The following PLCH2 variants were observed in gnomAD, a reference collection of about 807,000 sequenced individuals.
The protein encoded by PLCH2 is 1-phosphatidylinositol 4,5-bisphosphate phosphodiesterase eta-2.
Under a neutral mutation model 134.7 loss-of-function variants are expected in PLCH2, and 98 were observed. The observed-to-expected ratio is 0.73, with a 90% confidence interval of 0.62 to 0.86. PLCH2 has a LOEUF of 0.86. Among genes scored for constraint, PLCH2 ranks in the 40% least tolerant of loss-of-function variants. The pLI is 0.00. For missense variants in PLCH2, 1,994 were observed against 1,986.6 expected (o/e 1.00, Z -0.07); for synonymous variants, 974 against 827.5 (o/e 1.18, Z -3.04).
At chr1:2,481,833 T>C (rs1375358645) in intron 4 of PLCH2, among the ~76,000 whole-genome samples, 3 of 152,210 alleles carry the variant, frequency 2.0e-5, no homozygotes, top group African/African-American at 2.4e-5. Context: ...GCATCCTCTC[T>C]GGGCCCTGCA....
At chr1:2,442,056 GGGAGC>G (rs750128643) in intron 2 of PLCH2, among the ~76,000 whole-genome samples, 1 of 152,096 alleles carries the variant, frequency 6.6e-6, no homozygotes, top group Non-Finnish European at 1.5e-5. Context: ...AGAAAGCCTC[GGGAGC>G]GGAGCTGGCC....
rs570518399 is a variant in PLCH2, at chr1:2,455,927, C to T, written c.116-22549C>T. On this transcript the variant is annotated intron_variant, in intron 2 of 3. Transcript: ENST00000609981. ...GTGTGCGTGTGTGTGCCTGTGTGCT[C>T]GTGTGTTTAAGTGTATTTTTAAAGC... Among the ~76,000 whole-genome samples, 55 of 152,294 alleles carry T rather than the reference C, an allele frequency of 3.6e-4. No individual in the cohort carries two copies. The South Asian group carries it at 0.011, about 30-fold the overall frequency.
In PLCH2 at chr1:2,505,166, G is replaced by A. The variant is rs148616986; in HGVS notation, c.4204G>A (p.Gly1402Arg). 3.9e-4 allele frequency: 609 copies of A among 1,569,424 alleles called. 5 individuals are homozygous for A. In the East Asian group the frequency reaches 0.011, roughly 27 times the overall value. The change falls in exon 22 of 22, where the codon GGG (glycine) becomes AGG (arginine). Residue 1402 changes from glycine (G) to arginine (R), a missense_variant. By Grantham distance (125) the Gly-to-Arg change is moderately radical (BLOSUM62 -2). This residue lies in a region of PLCH2 where 900 missense variants were observed against 752.3 expected (regional missense o/e 1.20). Coordinates refer to ENST00000378486, the MANE Select transcript of PLCH2 (RefSeq NM_014638.4). The part of the protein sequence containing the change: ...DAPAPSKGAL[G>R]PASAAAENLV... ...ACCAGCACCCTCCAAGGGAGCCCTC[G>A]GGCCAGCATCCGCGGCTGCTGAAAA...
At chr1:2,434,096 G>A (rs1411913098) in intron 2 of PLCH2, among the ~76,000 whole-genome samples, 3 of 152,254 alleles carry the variant, frequency 2.0e-5, no homozygotes, top group Non-Finnish European at 4.4e-5. Context: ...TTCCTTGGAG[G>A]CTGCGGGTCT....
intron 2 of PLCH2, among the ~76,000 whole-genome samples, chr1:2,460,176 G>A (rs542632672): frequency 1.3e-5 from 2 of 152,374 alleles, no homozygotes; most frequent in African/African-American, 4.8e-5. Flanking sequence ...CATGTCCCCA[G>A]GGGCCCTGCT....
chr1:2,495,725 G>C (rs1642849387), intron 13 of PLCH2, among the ~76,000 whole-genome samples, 155 bp downstream of exon 13: 1 of 152,198 alleles, frequency 6.6e-6, no homozygotes, highest in Non-Finnish European at 1.5e-5. Flanking sequence ...TAGGGAGTGT[G>C]GTGTGCAGGG....
At chr1:2,463,877 C>T (rs896195199), upstream of PLCH2, among the ~76,000 whole-genome samples, 4 of 152,242 alleles carry the variant, frequency 2.6e-5, no homozygotes, top group Admixed American at 6.5e-5. Flanking sequence ...AAACTGAAGC[C>T]GGAGAGGCAG....
intron 2 of PLCH2, among the ~76,000 whole-genome samples, chr1:2,435,637 G>A (rs1052550792): frequency 5.3e-5 from 8 of 152,064 alleles, no homozygotes; most frequent in East Asian, 1.9e-4. Context: ...AGCGTGACAC[G>A]GCTCTCAGAG....
intron 1 of PLCH2, among the ~76,000 whole-genome samples, chr1:2,468,179 T>C (rs1641159238): frequency 6.6e-6 from 1 of 152,166 alleles, no homozygotes; most frequent in African/African-American, 2.4e-5. Flanking sequence ...TTGGCAAAGG[T>C]GGCCCTGAGC....
At chr1:2,468,297 G>A (rs904878138) in intron 1 of PLCH2, among the ~76,000 whole-genome samples, 1 of 152,266 alleles carries the variant, frequency 6.6e-6, no homozygotes, top group African/African-American at 2.4e-5. Context: ...GGCCCATCCC[G>A]CTCCGCTCCG....
chr1:2,473,917 C>T (rs1020824047), upstream of PLCH2, among the ~76,000 whole-genome samples: 12 of 152,256 alleles, frequency 7.9e-5, no homozygotes, highest in Admixed American at 1.3e-4. Flanking sequence ...CCTGAGCTCC[C>T]ACATCAGGTG....
intron 2 of PLCH2, among the ~76,000 whole-genome samples, chr1:2,434,411 T>C (rs1570231916): frequency 6.6e-6 from 1 of 152,234 alleles, no homozygotes. Context: ...GGCAGGGGCG[T>C]ATTTCCCCCA....
chr1:2,475,097 G>A (rs1023070180), upstream of PLCH2, among the ~76,000 whole-genome samples: 3 of 152,202 alleles, frequency 2.0e-5, no homozygotes, highest in African/African-American at 7.2e-5. Context: ...TGTGCTGACT[G>A]CATCTGATCT....
At chr1:2,461,668 C>G (rs1385436138) in intron 2 of PLCH2, among the ~76,000 whole-genome samples, 1 of 152,212 alleles carries the variant, frequency 6.6e-6, no homozygotes, top group Non-Finnish European at 1.5e-5. Context: ...TGCCTCCCGC[C>G]TCTGTGGGCC....
chr1:2,478,695 C>T, intron 2 of PLCH2, 73 bp downstream of exon 2: 2 of 1,448,866 alleles, frequency 1.4e-6, no homozygotes, highest in African/African-American at 1.4e-5. Flanking sequence ...CCTCCCAGGG[C>T]AGCCACTGAT....
At chr1:2,494,209 G>A (rs969015222) in intron 11 of PLCH2, among the ~76,000 whole-genome samples, 1 of 152,186 alleles carries the variant, frequency 6.6e-6, no homozygotes, top group Admixed American at 6.5e-5. Context: ...AGGCTCTGCT[G>A]GTTCCATTGG....
At chr1:2,458,676 T>C (rs1640618757) in intron 2 of PLCH2, among the ~76,000 whole-genome samples, 1 of 147,640 alleles carries the variant, frequency 6.8e-6, no homozygotes, top group Admixed American at 6.7e-5. Context: ...GAGGAGGCTC[T>C]GGCTCTGCCC....
chr1:2,480,718 G>A (rs1258257907), intron 4 of PLCH2, among the ~76,000 whole-genome samples: 2 of 152,228 alleles, frequency 1.3e-5, no homozygotes, highest in African/African-American at 2.4e-5. Context: ...AGTCTGATGC[G>A]CAGCAGCTCG....
rs1553252566 is a variant in PLCH2, at chr1:2,489,393, G to A, written c.1407+15G>A. ...TCCTCGTGAAGGTGAGTGAGCCCCT[G>A]CCCTCCTGGGACCAGCTCACACAGA... On this transcript the variant is annotated intron_variant, in intron 9 of 21. Coordinates refer to ENST00000378486, the MANE Select transcript of PLCH2 (RefSeq NM_014638.4). The A allele has an allele frequency of 8.7e-6, 14 of 1,612,532 alleles. No homozygotes were observed. The East Asian group carries it at 3.1e-4, about 36-fold the overall frequency.
Sources: allele counts gnomAD v4.1 joint callset (sites outside exome capture counted in the v4.1 genomes callset), GRCh38; gene constraint gnomAD v4.1.1; regional missense constraint gnomAD v4.1.1; transcripts MANE v1.5; gene names NCBI Gene and HGNC (gene_info 2026-07-23, HGNC 2026-07-21).